PTPN1: variants seen among roughly 807,000 people sequenced by gnomAD.
The protein encoded by PTPN1 is protein tyrosine phosphatase non-receptor type 1, also known as tyrosine-protein phosphatase non-receptor type 1.
Under a neutral mutation model 59.9 loss-of-function variants are expected in PTPN1, and 12 were observed. The ratio of observed to expected loss-of-function variants is 0.20; its 90% confidence interval spans 0.13 to 0.32. PTPN1 has a LOEUF of 0.32. PTPN1 is among the 10% of genes least tolerant of loss of function. PTPN1 has a pLI of 1.00. For missense variants in PTPN1, 356 were observed against 549.2 expected (o/e 0.65, Z 3.52); for synonymous variants, 178 against 203.6 (o/e 0.87, Z 1.07).
At position 50,582,938 on chromosome 20, in the gene PTPN1, A is replaced by C; in HGVS notation, c.*223A>C. The C allele has an allele frequency of 1.7e-6, 1 of 594,738 alleles. No homozygotes were observed. Among genetic ancestry groups the C allele is most frequent in the Non-Finnish European group, 3.0e-6 (1 of 331,856 alleles). The allele number at this position is 594,738 out of a possible 1,614,324, so 36.8% of individuals were successfully genotyped here. ...CTTCCACTTTGAGTACCAAATCCAC[A>C]AGCCATTTTTTGAGGAGAGTGAAAG... On this transcript the variant is annotated 3_prime_UTR_variant, in exon 10 of 10. Coordinates refer to ENST00000371621, the MANE Select transcript of PTPN1 (RefSeq NM_002827.4). This position sits in a 1 kb window ranked among gnomAD's most constrained non-coding sequence, Gnocchi z 4.2.
intron 1 of PTPN1, among the ~76,000 whole-genome samples, chr20:50,557,054 A>T (rs2082729135): frequency 6.6e-6 from 1 of 152,042 alleles, no homozygotes; most frequent in South Asian, 2.1e-4. Flanking sequence ...CAAGAGCAAA[A>T]CCCCATCTTT....
Position 50,582,590 on chromosome 20 carries a change from C to T in PTPN1, c.1285-102C>T, listed in dbSNP as rs561088481. ...AAAACCAAAACCCCCTTTGCTCCCTCGGAGGTTGAAGTTGCCGGGGGGTGT... is the reference window on the plus strand; with the variant it reads ...AAAACCAAAACCCCCTTTGCTCCCTTGGAGGTTGAAGTTGCCGGGGGGTGT... On this transcript the variant is annotated intron_variant, in intron 9 of 9. Coordinates refer to ENST00000371621, the MANE Select transcript of PTPN1 (RefSeq NM_002827.4). The surrounding 1 kb of genome is among the most constrained non-coding windows in gnomAD (Gnocchi z 4.2). The T allele has an allele frequency of 2.3e-5, 28 of 1,226,454 alleles. No individual in the cohort carries two copies. The highest frequency in any genetic ancestry group is 6.0e-5 in the Admixed American group (3 of 49,852). 76.0% of individuals were successfully genotyped at this position (1,226,454 alleles called of 1,614,324 possible). A position where few individuals can be genotyped will look rare whatever the true frequency, so the allele number is the denominator to read the frequency against.
chr20:50,571,757 T>G (rs117556742), intron 4 of PTPN1: 1,625 of 152,330 alleles, frequency 0.011, 12 homozygotes, highest in Middle Eastern at 0.017. Context: ...AAGGATTGAC[T>G]TTAGACACCT....
intron 1 of PTPN1, among the ~76,000 whole-genome samples, chr20:50,539,859 G>T (rs1418423066): frequency 1.3e-5 from 2 of 151,330 alleles, no homozygotes; most frequent in Admixed American, 6.6e-5. Flanking sequence ...AAATCCATGT[G>T]CTCTTTCAAT....
At chr20:50,524,442 A>G (rs2082564377) in intron 1 of PTPN1, among the ~76,000 whole-genome samples, 1 of 151,846 alleles carries the variant, frequency 6.6e-6, no homozygotes, top group African/African-American at 2.4e-5. Flanking sequence ...CACTAGGAAT[A>G]TATTGAAAAC....
intron 4 of PTPN1, chr20:50,572,247 G>C (rs1321198752): frequency 6.6e-6 from 1 of 152,180 alleles, no homozygotes; most frequent in African/African-American, 2.4e-5. Flanking sequence ...GTGAAGTACT[G>C]TGTTCTAATA....
At chr20:50,526,075 C>T (rs964443365) in intron 1 of PTPN1, among the ~76,000 whole-genome samples, 1 of 151,990 alleles carries the variant, frequency 6.6e-6, no homozygotes, top group African/African-American at 2.4e-5. Context: ...TGCGGGGGAG[C>T]ACATAGGGTG....
chr20:50,556,699 A>G (rs969603052), intron 1 of PTPN1, among the ~76,000 whole-genome samples: 15 of 152,226 alleles, frequency 9.9e-5, no homozygotes, highest in African/African-American at 3.4e-4. Context: ...TCACACTTGT[A>G]ATCCCAGCAC....
At chr20:50,550,975 A>G (rs928479863) in intron 1 of PTPN1, among the ~76,000 whole-genome samples, 1 of 152,246 alleles carries the variant, frequency 6.6e-6, no homozygotes, top group Non-Finnish European at 1.5e-5. Flanking sequence ...GCAAGGATAA[A>G]CTGGCTTTTA....
intron 1 of PTPN1, among the ~76,000 whole-genome samples, chr20:50,549,883 C>T (rs1442612910): frequency 6.6e-6 from 1 of 151,936 alleles, no homozygotes; most frequent in Non-Finnish European, 1.5e-5. Flanking sequence ...GTTTCATTAA[C>T]TTTCATATAT....
chr20:50,579,618 C>T (rs1000544439), intron 7 of PTPN1, 85 bp from the exon 8 acceptor site: 43 of 1,235,000 alleles, frequency 3.5e-5, no homozygotes, highest in Admixed American at 1.5e-4. Context: ...CTCGCCAAGC[C>T]GTCACCTCTG....
At chr20:50,517,583 G>T (rs1177115602) in intron 1 of PTPN1, among the ~76,000 whole-genome samples, 1 of 152,130 alleles carries the variant, frequency 6.6e-6, no homozygotes, top group Non-Finnish European at 1.5e-5. Context: ...AGAGAAAAAC[G>T]TATGACATCG....
chr20:50,528,428 A>G (rs1051332925), intron 1 of PTPN1, among the ~76,000 whole-genome samples: 2 of 152,126 alleles, frequency 1.3e-5, no homozygotes, highest in Non-Finnish European at 2.9e-5. Context: ...AAAATACCCA[A>G]CAAGGCCAGT....
chr20:50,559,900 T>G (rs2082744327), intron 1 of PTPN1, among the ~76,000 whole-genome samples: 1 of 152,000 alleles, frequency 6.6e-6, no homozygotes. Flanking sequence ...GTTTTTATGT[T>G]AGAGACTTTC....
rs1019673011 is a variant in PTPN1 at position 50,584,453 on chromosome 20, G to C, written c.*1738G>C. 4.6e-5 allele frequency: 7 copies of C among 152,712 alleles called. No individual in the cohort carries two copies. The South Asian group carries it at 6.2e-4, about 14-fold the overall frequency. The allele number at this position is 152,712 out of a possible 1,614,324, so 9.5% of individuals were successfully genotyped here. On this transcript the variant is annotated 3_prime_UTR_variant, in exon 10 of 10. Transcript: ENST00000371621. The stretch of plus-strand genomic sequence containing the variant: ...CTCCACCTTGTTACACATTATGTTA[G>C]AGAGGTAGCGAGCTGCTCTGCTATA...
chr20:50,567,900 A>G (rs149622896), intron 3 of PTPN1, among the ~76,000 whole-genome samples: 3 of 152,372 alleles, frequency 2.0e-5, no homozygotes, highest in Non-Finnish European at 4.4e-5. Flanking sequence ...AATAGGGACT[A>G]TTATTAGTCA....
chr20:50,572,363 A>T (rs764222462), intron 4 of PTPN1: 1 of 152,248 alleles, frequency 6.6e-6, no homozygotes, highest in Admixed American at 6.5e-5. Context: ...AAAAATTTCT[A>T]TTGGAAATGA....
At chr20:50,528,179 C>A (rs1376154744) in intron 1 of PTPN1, among the ~76,000 whole-genome samples, 1 of 152,160 alleles carries the variant, frequency 6.6e-6, no homozygotes, top group African/African-American at 2.4e-5. Flanking sequence ...GGGAAGCTTT[C>A]TCTGATTTCC....
intron 1 of PTPN1, among the ~76,000 whole-genome samples, chr20:50,519,837 T>G (rs1273683465): frequency 1.3e-5 from 2 of 152,194 alleles, no homozygotes; most frequent in African/African-American, 4.8e-5. Context: ...CCTTTAAAGT[T>G]TGATTTTTGT....
Sources: allele counts gnomAD v4.1 joint callset (sites outside exome capture counted in the v4.1 genomes callset), GRCh38; gene constraint gnomAD v4.1.1; non-coding constraint Gnocchi (gnomAD v3.1); transcripts MANE v1.5; gene names NCBI Gene and HGNC (gene_info 2026-07-23, HGNC 2026-07-21).